Variants in PMS2 observed in about 807,000 individuals in gnomAD.
The protein encoded by PMS2 is mismatch repair endonuclease PMS2.
A neutral mutation model predicts 90.0 loss-of-function variants in PMS2; 69 were observed. That is an observed-to-expected ratio of 0.77 (90% CI 0.63 to 0.94). The LOEUF (loss-of-function observed/expected upper bound fraction) is 0.94. Among genes scored for constraint, PMS2 ranks in the 40% least tolerant of loss-of-function variants. PMS2 has a pLI of 0.00. For synonymous variants in PMS2, 332 were observed against 375.1 expected, an observed-to-expected ratio of 0.89 and a Z score of 1.33; for missense variants, 966 against 1,040.2, an observed-to-expected ratio of 0.93 and a Z score of 0.98.
chr7:6,008,681 A>G (rs1786174260), intron 1 of PMS2, among the ~76,000 whole-genome samples: 1 of 152,210 alleles, frequency 6.6e-6, no homozygotes, highest in African/African-American at 2.4e-5. Context: ...TGGGGATTTC[A>G]CGCTCCCGCT....
At chr7:5,991,566 A>G (rs1783732005) in intron 9 of PMS2, among the ~76,000 whole-genome samples, 2 of 151,710 alleles carry the variant, frequency 1.3e-5, no homozygotes, top group South Asian at 4.2e-4. Context: ...AGGGCCAGGC[A>G]CGGTGGCTCA....
chr7:6,006,909 C>T (rs567489814), intron 1 of PMS2, among the ~76,000 whole-genome samples: 46 of 152,172 alleles, frequency 3.0e-4, no homozygotes, highest in African/African-American at 9.4e-4. Flanking sequence ...AATACATCCT[C>T]CACTCTATCA....
intron 7 of PMS2, among the ~76,000 whole-genome samples, chr7:5,996,577 T>TAAA (rs775240349): frequency 0.16 from 14,657 of 91,002 alleles, 1,366 homozygotes; most frequent in East Asian, 0.21. Flanking sequence ...ATCTCAAAGC[T>TAAA]AAAAAAAAAA....
intron 5 of PMS2, among the ~76,000 whole-genome samples, chr7:6,001,071 T>G (rs1785036544): frequency 1.3e-5 from 2 of 152,054 alleles, no homozygotes; most frequent in African/African-American, 4.8e-5. Flanking sequence ...TTAAGTAACT[T>G]TTTAGATTAT....
intron 5 of PMS2, among the ~76,000 whole-genome samples, chr7:5,999,712 C>A (rs547539552): frequency 6.6e-6 from 1 of 152,062 alleles, no homozygotes; most frequent in Non-Finnish European, 1.5e-5. Flanking sequence ...GGGAGGATCG[C>A]TTGAGCCTAG....
chr7:5,987,326 C>G lies in PMS2; in HGVS notation c.1439G>C (p.Gly480Ala), dbSNP rs373917897. Reference protein sequence around the residue: ...PQKEAVSSSHGPSDPTDRAEV... With the variant: ...PQKEAVSSSHAPSDPTDRAEV... ...CGCTCTGTCCGTAGGGTCACTGGGTCCGTGACTGGAACTCACTGCCTCTTT... is the reference window on the plus strand; with the variant it reads ...CGCTCTGTCCGTAGGGTCACTGGGTGCGTGACTGGAACTCACTGCCTCTTT... Residue 480 changes from glycine to alanine, a missense_variant, in exon 11 of 15, where the codon GGA becomes GCA. Transcript: ENST00000265849. The G allele has an allele frequency of 7.4e-6, 12 of 1,614,168 alleles. No individual in the cohort carries two copies. Among genetic ancestry groups the G allele is most frequent in the Non-Finnish European group, 9.3e-6 (11 of 1,180,028 alleles).
At chr7:5,995,145 C>A (rs1302459275) in intron 8 of PMS2, among the ~76,000 whole-genome samples, 1 of 152,136 alleles carries the variant, frequency 6.6e-6, no homozygotes. Flanking sequence ...TCAAGTGATC[C>A]TCCTGCCTCA....
chr7:6,008,064 G>A (rs548729721), intron 1 of PMS2, among the ~76,000 whole-genome samples: 1 of 152,010 alleles, frequency 6.6e-6, no homozygotes, highest in South Asian at 2.1e-4. Flanking sequence ...TCACCATGTT[G>A]GCCAGGCTGG....
chr7:5,992,159 G>A (rs1783828747), intron 8 of PMS2, 102 bp from the exon 9 acceptor site: 1 of 705,004 alleles, frequency 1.4e-6, no homozygotes, highest in South Asian at 1.6e-5. Context: ...GTTCTTAGAA[G>A]GGGATACTTT....
chr7:6,001,031 C>T (rs1019572926), intron 5 of PMS2, among the ~76,000 whole-genome samples: 1 of 152,040 alleles, frequency 6.6e-6, no homozygotes. Flanking sequence ...AAATGCTTTA[C>T]AAGTAAAAAA....
rs182085259 is a variant in PMS2 at position 5,991,989 on chromosome 7, G to T, written c.972C>A (p.Asn324Lys). Residue 324 changes from asparagine to lysine, a missense_variant, in exon 9 of 15, where the codon AAC becomes AAA. This residue lies in a region of PMS2 where 871 missense variants were observed against 802.4 expected (regional missense o/e 1.09). Coordinates refer to ENST00000265849, the MANE Select transcript of PMS2 (RefSeq NM_000535.7). Reference sequence around the variant, plus strand: ...GGAACTTACCTGAATCAACAGAAATGTTAAGAACAACAAATGGATACTGGT... The same window carrying T: ...GGAACTTACCTGAATCAACAGAAATTTTAAGAACAACAAATGGATACTGGT... ...NRHQYPFVVL[N>K]ISVDSECVDI... 8 of 1,580,876 alleles carry T rather than the reference G, an allele frequency of 5.1e-6. No individual in the cohort carries two copies. In the African/African-American group the frequency reaches 9.4e-5, roughly 19 times the overall value.
At chr7:6,000,731 C>T (rs1418810565) in intron 5 of PMS2, among the ~76,000 whole-genome samples, 2 of 152,122 alleles carry the variant, frequency 1.3e-5, no homozygotes, top group African/African-American at 2.4e-5. Context: ...TGGCTCACAC[C>T]TGTAATCCCA....
At chr7:6,009,062 T>A, upstream of PMS2, 1 of 1,608,084 alleles carries the variant, frequency 6.2e-7, no homozygotes, top group South Asian at 1.1e-5. Context: ...GAAAGTTCCC[T>A]CCAGGGCTCC....
chr7:5,988,549 T>G (rs1486142937), intron 10 of PMS2, among the ~76,000 whole-genome samples: 2 of 151,744 alleles, frequency 1.3e-5, no homozygotes, highest in Non-Finnish European at 2.9e-5. Flanking sequence ...GGCGACAGAG[T>G]GAGACTCCCT....
In PMS2 at chr7:6,002,571, T is replaced by C. The variant is rs876661103; in HGVS notation, c.419A>G (p.Asn140Ser). 5 of 1,611,918 alleles carry C rather than the reference T, an allele frequency of 3.1e-6. No homozygotes were observed. The highest frequency in any genetic ancestry group is 1.1e-5 in the South Asian group (1 of 90,986). ...KVGTRLMFDH[N>S]GKIIQKTPYP... ...GGGGGTTTTCTGGATAATTTTCCCA[T>C]TGTGATCAAACATCAGTCGAGTTCC... The change falls in exon 5 of 15, where the codon AAT (asparagine) becomes AGT (serine). Residue 140 changes from asparagine (N) to serine (S), a missense_variant. Around this residue, in one of 2 missense-constraint regions of PMS2, gnomAD observed 871 missense variants for 802.4 expected, o/e 1.09. Transcript: ENST00000265849.
intron 11 of PMS2, among the ~76,000 whole-genome samples, chr7:5,985,619 T>C (rs1782777729): frequency 6.6e-6 from 1 of 150,456 alleles, no homozygotes; most frequent in African/African-American, 2.4e-5. Context: ...AATGGTGCAA[T>C]CTCGGCTCAC....
intron 11 of PMS2, among the ~76,000 whole-genome samples, chr7:5,984,771 T>C (rs1583306096): frequency 6.6e-6 from 1 of 151,184 alleles, no homozygotes; most frequent in Non-Finnish European, 1.5e-5. Flanking sequence ...GGCGAAAGAG[T>C]GAGACTCTTG....
At chr7:6,001,810 T>C (rs894543742) in intron 5 of PMS2, among the ~76,000 whole-genome samples, 2 of 151,320 alleles carry the variant, frequency 1.3e-5, no homozygotes, top group African/African-American at 2.4e-5. Context: ...CTGGACAACA[T>C]GGTGAAACCC....
chr7:6,008,865 C>T (rs1786216393), intron 1 of PMS2, 132 bp downstream of exon 1: 2 of 1,140,712 alleles, frequency 1.8e-6, no homozygotes, highest in Admixed American at 1.7e-5. Flanking sequence ...GGTCGCCACT[C>T]CGGGGCCTCC....
Sources: gnomAD v4.1 joint callset for allele counts (sites outside exome capture counted in the v4.1 genomes callset) on GRCh38, gnomAD v4.1.1 for gene constraint, gnomAD v4.1.1 regional missense constraint, MANE v1.5 for transcripts, NCBI Gene and HGNC (gene_info 2026-07-23, HGNC 2026-07-21) for gene names.